RPS6KC1: variants seen among roughly 807,000 people sequenced by gnomAD.
RPS6KC1 encodes ribosomal protein S6 kinase C1.
Under a neutral mutation model 103.8 loss-of-function variants are expected in RPS6KC1, and 54 were observed. The observed-to-expected ratio is 0.52, with a 90% CI of 0.42 to 0.65. RPS6KC1 has a LOEUF of 0.65. Ranked by LOEUF, RPS6KC1 falls within the 30% of genes least tolerant of loss-of-function variation. The pLI, the probability that RPS6KC1 is intolerant of heterozygous loss-of-function variation, is 0.00. For synonymous variants in RPS6KC1, 439 were observed against 438.7 expected (o/e 1.00, Z -0.01); for missense variants, 1,151 against 1,253.8 (o/e 0.92, Z 1.24).
chr1:213,287,187 ATGAT>A, the RPS6KC1 span, among the ~76,000 whole-genome samples: 1 of 152,034 alleles, frequency 6.6e-6, no homozygotes, highest in Non-Finnish European at 1.5e-5. Flanking sequence ...AAGGAAGATT[ATGAT>A]TGGTTGGGGC....
chr1:213,443,435 G>A, the RPS6KC1 span, among the ~76,000 whole-genome samples: 1 of 152,296 alleles, frequency 6.6e-6, no homozygotes, highest in South Asian at 2.1e-4. Flanking sequence ...TCACAGTGGT[G>A]CTATCTATTG....
chr1:213,259,015 A>G (rs1325968091), intron 12 of RPS6KC1, among the ~76,000 whole-genome samples: 1 of 152,190 alleles, frequency 6.6e-6, no homozygotes, highest in African/African-American at 2.4e-5. Flanking sequence ...TCTAACCCTC[A>G]TGTTATAGAT....
chr1:213,089,649 A>G (rs2080781128), intron 3 of RPS6KC1, among the ~76,000 whole-genome samples: 1 of 151,964 alleles, frequency 6.6e-6, no homozygotes, highest in South Asian at 2.1e-4. Flanking sequence ...TTTAGCAGAG[A>G]CGGGGTTTCA....
the RPS6KC1 span, among the ~76,000 whole-genome samples, chr1:213,682,426 T>G: frequency 6.6e-6 from 1 of 152,228 alleles, no homozygotes; most frequent in African/African-American, 2.4e-5. Context: ...TGCAGGGAAC[T>G]CACAGTCTAT....
chr1:213,525,080 G>A, the RPS6KC1 span, among the ~76,000 whole-genome samples: 1 of 152,200 alleles, frequency 6.6e-6, no homozygotes, highest in African/African-American at 2.4e-5. Flanking sequence ...TAATAAGGAT[G>A]ATTTTAACCT....
chr1:213,284,384 A>G, the RPS6KC1 span, among the ~76,000 whole-genome samples: 1 of 152,074 alleles, frequency 6.6e-6, no homozygotes, highest in African/African-American at 2.4e-5. Flanking sequence ...ATGGTGGTGC[A>G]CACCTGTAAT....
chr1:213,835,773 G>C, the RPS6KC1 span: 1 of 152,190 alleles, frequency 6.6e-6, no homozygotes, highest in Non-Finnish European at 1.5e-5. Context: ...AGGGGGACTA[G>C]AGTGAGGCTG....
chr1:213,353,491 AG>A, the RPS6KC1 span, among the ~76,000 whole-genome samples: 2 of 152,374 alleles, frequency 1.3e-5, no homozygotes, highest in African/African-American at 4.8e-5. Flanking sequence ...ATTCTAACCC[AG>A]GCAGCCTGGC....
At chr1:213,137,779 A>C (rs6702963) in intron 6 of RPS6KC1, among the ~76,000 whole-genome samples, 7,154 of 21,858 alleles carry the variant, frequency 0.33, 1,599 homozygotes, top group East Asian at 0.43. Flanking sequence ...CTCTCTCTCT[A>C]TATATATATA....
chr1:213,390,978 A>G, the RPS6KC1 span, among the ~76,000 whole-genome samples: 4 of 152,198 alleles, frequency 2.6e-5, no homozygotes, highest in South Asian at 8.3e-4. Flanking sequence ...TTTTTTGGGT[A>G]TATGTGATAC....
At chr1:213,662,469 G>A in the RPS6KC1 span, among the ~76,000 whole-genome samples, 1 of 148,088 alleles carries the variant, frequency 6.8e-6, no homozygotes, top group Non-Finnish European at 1.5e-5. Flanking sequence ...TAGAGATGGG[G>A]TTTCACCATG....
the RPS6KC1 span, among the ~76,000 whole-genome samples, chr1:213,638,561 G>T: frequency 2.6e-5 from 4 of 151,248 alleles, no homozygotes; most frequent in Non-Finnish European, 4.4e-5. Context: ...TTTGTTTTGG[G>T]TTTTTTTTGC....
At chr1:213,757,738 G>T in the RPS6KC1 span, among the ~76,000 whole-genome samples, 2 of 152,166 alleles carry the variant, frequency 1.3e-5, no homozygotes, top group Non-Finnish European at 2.9e-5. Context: ...TGACAACCAG[G>T]ACTTTCATAG....
At chr1:213,830,556 C>G in the RPS6KC1 span, among the ~76,000 whole-genome samples, 1 of 151,776 alleles carries the variant, frequency 6.6e-6, no homozygotes, top group Middle Eastern at 3.2e-3. Context: ...TGTCAGAAAA[C>G]TCTTTGTTCT....
chr1:213,845,838 T>C, the RPS6KC1 span, among the ~76,000 whole-genome samples: 1 of 152,118 alleles, frequency 6.6e-6, no homozygotes, highest in African/African-American at 2.4e-5. Flanking sequence ...AGAGTTATTG[T>C]GAGGATTAAA....
At chr1:213,443,698 T>C in the RPS6KC1 span, among the ~76,000 whole-genome samples, 1 of 152,000 alleles carries the variant, frequency 6.6e-6, no homozygotes. Context: ...GGCAGATTGC[T>C]TGAGCCTAGG....
intron 8 of RPS6KC1, among the ~76,000 whole-genome samples, chr1:213,222,804 G>A (rs1456544512): frequency 6.6e-6 from 1 of 152,156 alleles, no homozygotes; most frequent in Non-Finnish European, 1.5e-5. Context: ...AATTATGCAT[G>A]GTGTTAGGGG....
chr1:213,235,086 G>A (rs1003400217), intron 10 of RPS6KC1, among the ~76,000 whole-genome samples: 2 of 152,198 alleles, frequency 1.3e-5, no homozygotes, highest in South Asian at 2.1e-4. Flanking sequence ...TTTCATATGT[G>A]TGAATAGTTA....
At chr1:213,653,899 CA>C in the RPS6KC1 span, among the ~76,000 whole-genome samples, 17 of 152,130 alleles carry the variant, frequency 1.1e-4, no homozygotes, top group Non-Finnish European at 2.5e-4. Context: ...ATCTCTTTTC[CA>C]GGGAAGTAAA....
Sources: gnomAD v4.1 joint callset for allele counts (sites outside exome capture counted in the v4.1 genomes callset) on GRCh38, gnomAD v4.1.1 for gene constraint, MANE v1.5 for transcripts, NCBI Gene and HGNC (gene_info 2026-07-23, HGNC 2026-07-21) for gene names.